OTULINL: variants seen among roughly 807,000 people sequenced by gnomAD.
The protein encoded by OTULINL is inactive ubiquitin thioesterase OTULINL.
Under a neutral mutation model 43.9 loss-of-function variants are expected in OTULINL, and 42 were observed. That is an observed-to-expected ratio of 0.96 (90% confidence interval 0.75 to 1.24). The LOEUF is 1.24. Ranked by LOEUF, OTULINL falls within the 50% of genes most tolerant of loss-of-function variation. The probability of loss-of-function intolerance (pLI) is 0.00; values close to 1 mark genes in which losing one functional copy is unlikely to be tolerated. For synonymous variants in OTULINL, 172 were observed against 153.6 expected (o/e 1.12, Z -0.88); for missense variants, 411 against 426.4 (o/e 0.96, Z 0.32).
Position 14,602,217 on chromosome 5 carries a change from A to C in OTULINL, c.383A>C (p.Lys128Thr), listed in dbSNP as rs1296436484. 1 of 1,612,604 alleles carries C rather than the reference A, an allele frequency of 6.2e-7. No individual in the cohort carries two copies. The highest frequency in any genetic ancestry group is 1.1e-5 in the South Asian group (1 of 90,552). Residue 128 changes from lysine (K) to threonine (T), a missense_variant, in exon 5 of 8, where the codon AAA (lysine) becomes ACA (threonine). Physicochemically the swap from Lys to Thr is moderately conservative, Grantham distance 78 (BLOSUM62 -1). Coordinates refer to ENST00000274217, the MANE Select transcript of OTULINL (RefSeq NM_019018.3). ...GAGCTATTTTGGCGGCATCACATTA[A>C]ATGTGTTCGACAAGTAAGGAGAGAT... is the stretch of plus-strand genomic sequence containing the variant. ...YEELFWRHHIKCVRQVRRDNY... is the reference protein window; with the variant it reads ...YEELFWRHHITCVRQVRRDNY...
intron 7 of OTULINL, 135 bp from the exon 8 acceptor site, chr5:14,610,006 A>G: frequency 3.0e-6 from 2 of 662,320 alleles, no homozygotes; most frequent in South Asian, 1.8e-5. Flanking sequence ...CTCTGTGCCC[A>G]CTCAGTGGTG....
chr5:14,594,560 C>A (rs535876125), intron 1 of OTULINL, among the ~76,000 whole-genome samples: 7 of 152,198 alleles, frequency 4.6e-5, no homozygotes, highest in Non-Finnish European at 1.0e-4. Flanking sequence ...GGGCAGGGAC[C>A]GTGTCTTGCA....
At chr5:14,593,491 C>T (rs1017198913) in intron 1 of OTULINL, among the ~76,000 whole-genome samples, 1 of 152,202 alleles carries the variant, frequency 6.6e-6, no homozygotes, top group African/African-American at 2.4e-5. Flanking sequence ...GTTGTCTCTC[C>T]CAGGCTGAGG....
At chr5:14,594,016 G>A (rs1759247248) in intron 1 of OTULINL, among the ~76,000 whole-genome samples, 1 of 152,186 alleles carries the variant, frequency 6.6e-6, no homozygotes, top group South Asian at 2.1e-4. Context: ...CTACTAAGTG[G>A]AAGACTGTCA....
intron 1 of OTULINL, among the ~76,000 whole-genome samples, chr5:14,588,306 T>C (rs1395041741): frequency 1.3e-5 from 2 of 152,154 alleles, no homozygotes; most frequent in East Asian, 1.9e-4. Context: ...GGCTTCCTTA[T>C]GTTTGCTCAC....
intron 5 of OTULINL, among the ~76,000 whole-genome samples, chr5:14,603,698 CT>C (rs1305461935): frequency 6.6e-6 from 1 of 151,712 alleles, no homozygotes; most frequent in Admixed American, 6.6e-5. Context: ...CTTGAGAGTT[CT>C]TTATTCTGAA....
chr5:14,614,182 A>G lies in OTULINL; in HGVS notation c.*3868A>G, dbSNP rs1015635532. Among the ~76,000 whole-genome samples the G allele has an allele frequency of 8.4e-6, 1 of 119,450 alleles. No homozygotes were observed. Among genetic ancestry groups the G allele is most frequent in the African/African-American group, 3.3e-5 (1 of 29,892 alleles). The allele number at this position is 119,450 out of a possible 152,430, so 78.4% of individuals were successfully genotyped here. ...TCACACTGCTTAATAAGACCAGTTA[A>G]TGTGTAAAACAGAAAAAAGTATATA... is the stretch of plus-strand genomic sequence containing the variant. On this transcript the variant is annotated 3_prime_UTR_variant, in exon 8 of 8. Coordinates refer to ENST00000274217, the MANE Select transcript of OTULINL (RefSeq NM_019018.3).
intron 5 of OTULINL, among the ~76,000 whole-genome samples, chr5:14,602,740 G>T (rs965865561): frequency 5.3e-5 from 8 of 152,258 alleles, no homozygotes; most frequent in African/African-American, 1.9e-4. Context: ...CTGGCCAGAG[G>T]AATTTTAAGA....
At chr5:14,584,825 A>C (rs1014994721) in intron 1 of OTULINL, among the ~76,000 whole-genome samples, 1 of 152,190 alleles carries the variant, frequency 6.6e-6, no homozygotes, top group African/African-American at 2.4e-5. Context: ...CCATTCAAGT[A>C]GGCACAACTG....
intron 1 of OTULINL, among the ~76,000 whole-genome samples, chr5:14,595,404 G>A (rs1560962362): frequency 6.6e-6 from 1 of 152,174 alleles, no homozygotes; most frequent in East Asian, 1.9e-4. Flanking sequence ...CCATGAGATA[G>A]AGAGACTGTG....
chr5:14,584,515 C>T (rs546951938), intron 1 of OTULINL, among the ~76,000 whole-genome samples: 2 of 152,276 alleles, frequency 1.3e-5, no homozygotes, highest in East Asian at 3.9e-4. Context: ...AATGCTAAAT[C>T]AGAAATGTAA....
chr5:14,609,881 G>A (rs1759548536), intron 7 of OTULINL, among the ~76,000 whole-genome samples: 1 of 152,166 alleles, frequency 6.6e-6, no homozygotes, highest in Non-Finnish European at 1.5e-5. Flanking sequence ...GCCTCCCAAA[G>A]TGCTGGGATT....
intron 1 of OTULINL, among the ~76,000 whole-genome samples, chr5:14,596,030 T>C (rs930314812): frequency 6.6e-6 from 1 of 152,168 alleles, no homozygotes; most frequent in African/African-American, 2.4e-5. Context: ...AAATCCATAA[T>C]TTCTGGCAAC....
rs1207748842 is a variant in OTULINL, at chr5:14,612,363, GA to G, written c.*2054del. The G allele has an allele frequency of 7.9e-5, 12 of 152,148 alleles. No homozygotes were observed. The highest frequency in any genetic ancestry group is 1.3e-4 in the Admixed American group (2 of 15,278). 9.4% of individuals were successfully genotyped at this position (152,148 alleles called of 1,614,324 possible). A position where few individuals can be genotyped will look rare whatever the true frequency, so the allele number is the denominator to read the frequency against. ...TTCCACATCAATCCAGGACTGAAAG[GA>G]AAAATTTTTTCACCAGGATTGGCAG... On this transcript the variant is annotated 3_prime_UTR_variant, in exon 8 of 8. Coordinates refer to ENST00000274217, the MANE Select transcript of OTULINL (RefSeq NM_019018.3).
intron 1 of OTULINL, among the ~76,000 whole-genome samples, chr5:14,598,547 C>T (rs1232385684): frequency 6.6e-6 from 1 of 152,142 alleles, no homozygotes; most frequent in East Asian, 1.9e-4. Context: ...TTTGCCACAG[C>T]ATTGTTTGTA....
chr5:14,602,249 G>A lies in OTULINL; in HGVS notation c.415G>A (p.Asp139Asn). 6.2e-7 allele frequency: 1 copy of A among 1,613,582 alleles called. No individual in the cohort carries two copies. The highest frequency in any genetic ancestry group is 8.5e-7 in the Non-Finnish European group (1 of 1,179,598). The stretch of plus-strand genomic sequence containing the variant: ...TCGACAAGTAAGGAGAGATAACTAT[G>A]ATGCTCTCAGATCAGTGTTATTTCA... Reference protein sequence around the residue: ...CVRQVRRDNYDALRSVLFQIF... With the variant: ...CVRQVRRDNYNALRSVLFQIF... The change falls in exon 5 of 8, where the codon GAT becomes AAT. Residue 139 changes from aspartate (D) to asparagine (N), a missense_variant. Asp to Asn is a conservative substitution (Grantham distance 23). Transcript: ENST00000274217.
intron 1 of OTULINL, among the ~76,000 whole-genome samples, chr5:14,595,917 G>A (rs1759279980): frequency 6.6e-6 from 1 of 152,090 alleles, no homozygotes; most frequent in Non-Finnish European, 1.5e-5. Context: ...GCATTGTGCT[G>A]TATGTATGGT....
chr5:14,604,569 G>A (rs1176449794), intron 5 of OTULINL, among the ~76,000 whole-genome samples: 1 of 152,150 alleles, frequency 6.6e-6, no homozygotes, highest in East Asian at 1.9e-4. Context: ...CTTCCCCCTG[G>A]AAATGTGGGA....
At chr5:14,597,513 A>C (rs374300510) in intron 1 of OTULINL, among the ~76,000 whole-genome samples, 20 of 152,330 alleles carry the variant, frequency 1.3e-4, no homozygotes, top group African/African-American at 4.1e-4. Context: ...GGAGTAAATG[A>C]ATTAATTCCT....
Sources: allele counts gnomAD v4.1 joint callset (sites outside exome capture counted in the v4.1 genomes callset), GRCh38; gene constraint gnomAD v4.1.1; transcripts MANE v1.5; gene names NCBI Gene and HGNC (gene_info 2026-07-23, HGNC 2026-07-21).